BTG4: variants seen among roughly 807,000 people sequenced by gnomAD.
BTG4 encodes BTG anti-proliferation factor 4, also known as protein BTG4.
A neutral mutation model predicts 19.3 loss-of-function variants in BTG4; 10 were observed. That is an observed-to-expected ratio of 0.52 (90% CI 0.32 to 0.88). The LOEUF is 0.88. Ranked by LOEUF, BTG4 falls within the 40% of genes least tolerant of loss-of-function variation. The pLI, the probability that BTG4 is intolerant of heterozygous loss-of-function variation, is 0.04. For missense variants in BTG4, 238 were observed against 281.9 expected, an observed-to-expected ratio of 0.84 and a Z score of 1.11; for synonymous variants, 91 against 95.7, an observed-to-expected ratio of 0.95 and a Z score of 0.29.
At chr11:111,449,341 C>T in the BTG4 span, 1 of 151,258 alleles carries the variant, frequency 6.6e-6, no homozygotes, top group Non-Finnish European at 1.5e-5. Flanking sequence ...AGCCCAGTGA[C>T]AGTCGGTACC....
At chr11:111,398,645 G>A in the BTG4 span, among the ~76,000 whole-genome samples, 81 of 152,138 alleles carry the variant, frequency 5.3e-4, no homozygotes, top group Admixed American at 1.4e-3. Context: ...CAGTAGAGAC[G>A]GGGTGAAAAT....
At chr11:111,508,278 C>T (rs755478406) in intron 1 of BTG4, among the ~76,000 whole-genome samples, 2 of 152,032 alleles carry the variant, frequency 1.3e-5, no homozygotes, top group Non-Finnish European at 2.9e-5. Context: ...CTCTTCTAAT[C>T]TATGCTACTT....
chr11:111,472,951 C>A (rs1373639886), intron 5 of BTG4, among the ~76,000 whole-genome samples: 1 of 152,108 alleles, frequency 6.6e-6, no homozygotes, highest in Non-Finnish European at 1.5e-5. Context: ...TATTACCTTG[C>A]CATGTGCTAC....
chr11:111,503,385 TG>T (rs1315806571), intron 1 of BTG4, among the ~76,000 whole-genome samples: 1 of 152,252 alleles, frequency 6.6e-6, no homozygotes, highest in Non-Finnish European at 1.5e-5. Context: ...CAACCTGGTC[TG>T]GCCTAAGCCA....
chr11:111,490,947 G>A (rs1444658357), downstream of BTG4, among the ~76,000 whole-genome samples: 1 of 152,176 alleles, frequency 6.6e-6, no homozygotes, highest in Non-Finnish European at 1.5e-5. Flanking sequence ...GTTTGTAGCA[G>A]TTTTATTCCT....
At chr11:111,413,968 C>T in the BTG4 span, among the ~76,000 whole-genome samples, 1 of 152,316 alleles carries the variant, frequency 6.6e-6, no homozygotes, top group East Asian at 1.9e-4. Flanking sequence ...CTCCCCTTCC[C>T]GCCCCCACCT....
chr11:111,514,488 T>A, upstream of BTG4: 1 of 358,306 alleles, frequency 2.8e-6, no homozygotes, highest in Non-Finnish European at 5.3e-6. Flanking sequence ...GGAGAGGATG[T>A]GGCAGCCCAC....
chr11:111,422,379 C>T, the BTG4 span, among the ~76,000 whole-genome samples: 1 of 152,208 alleles, frequency 6.6e-6, no homozygotes, highest in African/African-American at 2.4e-5. Flanking sequence ...GAAATGGCTG[C>T]TGTACGTGGC....
At chr11:111,409,719 G>T in the BTG4 span, among the ~76,000 whole-genome samples, 1 of 152,126 alleles carries the variant, frequency 6.6e-6, no homozygotes, top group African/African-American at 2.4e-5. Flanking sequence ...CATGCGCACA[G>T]GACTCTCCCA....
the BTG4 span, chr11:111,454,225 G>A: frequency 4.9e-5 from 22 of 445,578 alleles, no homozygotes; most frequent in South Asian, 3.1e-4. Flanking sequence ...TCTTCCCTCC[G>A]ACCCCCACAG....
the BTG4 span, among the ~76,000 whole-genome samples, chr11:111,439,032 G>A: frequency 6.6e-6 from 1 of 152,162 alleles, no homozygotes. Context: ...ACTAGCACGT[G>A]GGCTGCCCCC....
intron 5 of BTG4, among the ~76,000 whole-genome samples, chr11:111,477,432 A>G (rs12275457): frequency 9.2e-5 from 14 of 152,116 alleles, no homozygotes; most frequent in African/African-American, 3.4e-4. Context: ...ATCAAAAAAG[A>G]CCCTTTTCCA....
chr11:111,491,438 C>T (rs1865409229), downstream of BTG4, among the ~76,000 whole-genome samples: 1 of 152,036 alleles, frequency 6.6e-6, no homozygotes, highest in Admixed American at 6.6e-5. Flanking sequence ...ATAATTACCT[C>T]AAGATAAAAA....
In BTG4 at chr11:111,495,123, C is replaced by T; in HGVS notation, c.*12G>A. The stretch of plus-strand genomic sequence containing the variant: ...CTCTGAGCTCTTGCCCACCACGTGC[C>T]CAGTCGCTGCGTCATCGGTGTGTGT... On this transcript the variant is annotated 3_prime_UTR_variant, in exon 5 of 5. Transcript: ENST00000692032. 5 of 1,515,424 alleles carry T rather than the reference C, an allele frequency of 3.3e-6. No homozygotes were observed. The highest frequency in any genetic ancestry group is 4.4e-6 in the Non-Finnish European group (5 of 1,133,844). 93.9% of individuals were successfully genotyped at this position (1,515,424 alleles called of 1,614,324 possible). A position where few individuals can be genotyped will look rare whatever the true frequency, so the allele number is the denominator to read the frequency against.
intron 5 of BTG4, among the ~76,000 whole-genome samples, chr11:111,484,034 T>A (rs1864901215): frequency 6.6e-6 from 1 of 152,122 alleles, no homozygotes; most frequent in Non-Finnish European, 1.5e-5. Flanking sequence ...GCAGACATCT[T>A]CATGGAAATC....
At chr11:111,456,977 G>T in the BTG4 span, 69 of 163,888 alleles carry the variant, frequency 4.2e-4, 1 homozygote, top group Non-Finnish European at 1.2e-4. This position sits in a 1 kb window ranked among gnomAD's most constrained non-coding sequence, Gnocchi z 4.2. Context: ...AAGGAGGCAG[G>T]TCCCAAGGCC....
chr11:111,434,640 C>A, the BTG4 span, among the ~76,000 whole-genome samples: 1 of 150,328 alleles, frequency 6.7e-6, no homozygotes, highest in African/African-American at 2.4e-5. Flanking sequence ...TGAGATAATA[C>A]ATATCAAGTA....
chr11:111,486,077 G>A (rs1006493323), intron 5 of BTG4, among the ~76,000 whole-genome samples: 1 of 152,196 alleles, frequency 6.6e-6, no homozygotes, highest in Non-Finnish European at 1.5e-5. Context: ...AACAAGTAAT[G>A]AGATAGAAAG....
chr11:111,431,856 G>A, the BTG4 span, among the ~76,000 whole-genome samples: 1 of 152,326 alleles, frequency 6.6e-6, no homozygotes, highest in East Asian at 1.9e-4. Context: ...ACACATACTT[G>A]ACAGCCTCCA....
Sources: allele counts gnomAD v4.1 joint callset (sites outside exome capture counted in the v4.1 genomes callset), GRCh38; gene constraint gnomAD v4.1.1; non-coding constraint Gnocchi (gnomAD v3.1); transcripts MANE v1.5; gene names NCBI Gene and HGNC (gene_info 2026-07-23, HGNC 2026-07-21).